Variants in PCDHA9 observed in about 807,000 individuals in gnomAD.
PCDHA9 encodes the protein protocadherin alpha 9.
Under a neutral mutation model 62.0 loss-of-function variants are expected in PCDHA9, and 62 were observed. The ratio of observed to expected loss-of-function variants is 1.00; its 90% CI spans 0.81 to 1.23. The LOEUF (loss-of-function observed/expected upper bound fraction) is 1.23. PCDHA9 is among the 50% of genes most tolerant of loss of function. The pLI, the probability that PCDHA9 is intolerant of heterozygous loss-of-function variation, is 0.00. For missense variants in PCDHA9, 1,205 were observed against 1,249.8 expected (o/e 0.96, Z 0.54); for synonymous variants, 557 against 567.6 (o/e 0.98, Z 0.27).
intron 1 of PCDHA9, among the ~76,000 whole-genome samples, chr5:140,905,080 C>G (rs2071583789): frequency 6.6e-6 from 1 of 152,128 alleles, no homozygotes; most frequent in Non-Finnish European, 1.5e-5. Flanking sequence ...GTTGCACTTT[C>G]TTTTGGGTTC....
At chr5:140,912,689 CA>C (rs781833135) in intron 1 of PCDHA9, among the ~76,000 whole-genome samples, 5 of 152,112 alleles carry the variant, frequency 3.3e-5, no homozygotes, top group African/African-American at 4.8e-5. Context: ...TTCCAGGTCT[CA>C]GGGGGAATGC....
chr5:141,002,157 GGGC>G (rs797024683), intron 3 of PCDHA9, among the ~76,000 whole-genome samples: 4 of 152,372 alleles, frequency 2.6e-5, no homozygotes, highest in African/African-American at 9.6e-5. Flanking sequence ...TTAGCAGAGT[GGGC>G]GGTAGGCAGG....
intron 1 of PCDHA9, among the ~76,000 whole-genome samples, chr5:140,941,274 C>T (rs1267060320): frequency 2.7e-3 from 120 of 44,772 alleles, no homozygotes; most frequent in African/African-American, 7.9e-3. Flanking sequence ...TCTTTCTTTC[C>T]TTCCTTCCTT....
In PCDHA9 at chr5:140,876,844, C is replaced by A. The variant is rs200154646; in HGVS notation, c.2394+25955C>A. ...CGACAATGCGCCTGCGTTCGCGCAGCCCGAGTACACAGTGTTCGTGAAGGA... is the reference window on the plus strand; with the variant it reads ...CGACAATGCGCCTGCGTTCGCGCAGACCGAGTACACAGTGTTCGTGAAGGA... On this transcript the variant is annotated intron_variant, in intron 1 of 3. Coordinates refer to ENST00000532602, the MANE Select transcript of PCDHA9 (RefSeq NM_031857.2). The A allele has an allele frequency of 3.6e-5, 58 of 1,614,134 alleles. No homozygotes were observed. In the East Asian group the frequency reaches 1.2e-3, roughly 32 times the overall value.
intron 1 of PCDHA9, chr5:140,930,305 T>C (rs1554207723): frequency 6.6e-6 from 1 of 152,252 alleles, no homozygotes; most frequent in Non-Finnish European, 1.5e-5. Flanking sequence ...TAAGTAAATA[T>C]CATATTTGAG....
chr5:140,875,771 C>A (rs182160950), intron 1 of PCDHA9: 3 of 1,614,080 alleles, frequency 1.9e-6, no homozygotes, highest in Non-Finnish European at 2.5e-6. Context: ...GGGCGGAGCG[C>A]GGAGTGCAGT....
chr5:140,928,900 G>A lies in PCDHA9; in HGVS notation c.2395-50049G>A, dbSNP rs782597882. On this transcript the variant is annotated intron_variant, in intron 1 of 3. Coordinates refer to ENST00000532602, the MANE Select transcript of PCDHA9 (RefSeq NM_031857.2). ...TCAGTTACTTCCAGACTTTGAAGATGTCTGGGAACCAGGAGGGCAGCTTTC... is the reference window on the plus strand; with the variant it reads ...TCAGTTACTTCCAGACTTTGAAGATATCTGGGAACCAGGAGGGCAGCTTTC... The A allele has an allele frequency of 3.1e-6, 5 of 1,614,212 alleles. No homozygotes were observed. The South Asian group carries it at 5.5e-5, about 18-fold the overall frequency.
chr5:140,971,771 T>C (rs1433692038), intron 1 of PCDHA9, among the ~76,000 whole-genome samples: 1 of 152,192 alleles, frequency 6.6e-6, no homozygotes, highest in Non-Finnish European at 1.5e-5. Context: ...TCTTGAATAT[T>C]ATTCAAGATT....
intron 1 of PCDHA9, among the ~76,000 whole-genome samples, chr5:140,976,461 G>A (rs935204153): frequency 1.3e-5 from 2 of 152,120 alleles, no homozygotes; most frequent in African/African-American, 4.8e-5. Flanking sequence ...TGGGGAAGAA[G>A]AATTGCTTGA....
intron 1 of PCDHA9, among the ~76,000 whole-genome samples, chr5:140,959,991 G>A (rs2095520706): frequency 6.6e-6 from 1 of 152,168 alleles, no homozygotes; most frequent in South Asian, 2.1e-4. Flanking sequence ...GTTGGGATAT[G>A]AAATACAAAT....
At chr5:140,927,564 GGACACAAAT>G in intron 1 of PCDHA9, 1 of 1,614,150 alleles carries the variant, frequency 6.2e-7, no homozygotes, top group Admixed American at 1.7e-5. Context: ...TCATTGTGGT[GGACACAAAT>G]GACAACGCGC....
intron 3 of PCDHA9, among the ~76,000 whole-genome samples, chr5:140,999,225 G>C (rs543011633): frequency 1.3e-5 from 2 of 152,222 alleles, no homozygotes; most frequent in Non-Finnish European, 2.9e-5. Context: ...CTACATTTGA[G>C]AATAGGTGGT....
At chr5:140,920,855 A>AC (rs1163764054) in intron 1 of PCDHA9, among the ~76,000 whole-genome samples, 5 of 151,976 alleles carry the variant, frequency 3.3e-5, no homozygotes, top group African/African-American at 4.8e-5. Context: ...AAAAAAAAAA[A>AC]AAACAAACAA....
chr5:140,862,881 T>C, intron 1 of PCDHA9: 3 of 564,618 alleles, frequency 5.3e-6, no homozygotes, highest in Non-Finnish European at 1.0e-5. Context: ...GTATTAGTGC[T>C]GGAACGACAA....
intron 3 of PCDHA9, among the ~76,000 whole-genome samples, chr5:140,985,476 T>C (rs1554247100): frequency 6.6e-6 from 1 of 152,162 alleles, no homozygotes; most frequent in Admixed American, 6.6e-5. Flanking sequence ...ATTTGGTTGT[T>C]TCCAGACTCA....
rs17119334 is a variant in PCDHA9, at chr5:140,988,093, G to A, written c.2542+5530G>A. On this transcript the variant is annotated intron_variant, in intron 3 of 3. Coordinates refer to ENST00000532602, the MANE Select transcript of PCDHA9 (RefSeq NM_031857.2). ...CTATTTCATGAGTGAGTGCAGCCTCGGGCCTTGTTGGAGAATTTAGAAAGC... is the reference window on the plus strand; with the variant it reads ...CTATTTCATGAGTGAGTGCAGCCTCAGGCCTTGTTGGAGAATTTAGAAAGC... Among the ~76,000 whole-genome samples the A allele has an allele frequency of 6.9e-3, 1,055 of 152,154 alleles. 47 individuals are homozygous for A. The East Asian group carries it at 0.14, about 21-fold the overall frequency.
chr5:140,971,019 G>A (rs908442935), intron 1 of PCDHA9, among the ~76,000 whole-genome samples: 2 of 152,174 alleles, frequency 1.3e-5, no homozygotes, highest in African/African-American at 2.4e-5. Flanking sequence ...TCTTTAGATC[G>A]TAGCATTTGA....
intron 2 of PCDHA9, among the ~76,000 whole-genome samples, chr5:140,980,413 T>C (rs1218867656): frequency 6.6e-6 from 1 of 152,086 alleles, no homozygotes; most frequent in Admixed American, 6.6e-5. Context: ...GGGCAGATCA[T>C]GAGGTCAAGA....
chr5:140,869,654 C>G, intron 1 of PCDHA9: 2 of 1,613,446 alleles, frequency 1.2e-6, no homozygotes, highest in African/African-American at 1.3e-5. Context: ...GATTCACCAA[C>G]AAATGGTAAG....
Sources: allele counts gnomAD v4.1 joint callset (sites outside exome capture counted in the v4.1 genomes callset), GRCh38; gene constraint gnomAD v4.1.1; transcripts MANE v1.5; gene names NCBI Gene and HGNC (gene_info 2026-07-23, HGNC 2026-07-21).